Variants in CDH12 observed in about 807,000 individuals in gnomAD.
CDH12 encodes the protein cadherin-12.
CDH12 carries 41 observed loss-of-function variants against 74.1 expected under a neutral mutation model. The ratio of observed to expected loss-of-function variants is 0.55; its 90% CI spans 0.43 to 0.72. CDH12 has a LOEUF of 0.72. Ranked by LOEUF, CDH12 falls within the 30% of genes least tolerant of loss-of-function variation. The pLI is 0.00. For missense variants in CDH12, 945 were observed against 977.2 expected, an observed-to-expected ratio of 0.97 and a Z score of 0.44; for synonymous variants, 399 against 355.0, an observed-to-expected ratio of 1.12 and a Z score of -1.39.
At chr5:22,169,931 T>A (rs1253447643) in intron 4 of CDH12, among the ~76,000 whole-genome samples, 2 of 151,916 alleles carry the variant, frequency 1.3e-5, no homozygotes, top group Non-Finnish European at 2.9e-5. Flanking sequence ...ATATATGTCT[T>A]CCATATATTC....
chr5:22,698,121 G>GTTTTTTT, intron 1 of CDH12, among the ~76,000 whole-genome samples: 3 of 50,582 alleles, frequency 5.9e-5, no homozygotes, highest in African/African-American at 7.3e-5. Context: ...TAAAGGCAGG[G>GTTTTTTT]CTTTTTTTTT....
Position 22,031,335 on chromosome 5 carries a change from A to G in CDH12, c.231+47111T>C, listed in dbSNP as rs923548582. Reference sequence around the variant, plus strand: ...GGCAACAGAGACTCCATCTAATAAAATAAAATAAGTAAAATAAAATAAAAA... The same window carrying G: ...GGCAACAGAGACTCCATCTAATAAAGTAAAATAAGTAAAATAAAATAAAAA... On this transcript the variant is annotated intron_variant, in intron 5 of 14. Coordinates refer to ENST00000382254, the MANE Select transcript of CDH12 (RefSeq NM_004061.5). 5.3e-5 allele frequency among the ~76,000 whole-genome samples: 8 copies of G among 152,182 alleles called. No homozygotes were observed. The East Asian group carries it at 1.5e-3, about 29-fold the overall frequency.
At chr5:22,029,622 A>G (rs1302695312) in intron 5 of CDH12, among the ~76,000 whole-genome samples, 1 of 152,190 alleles carries the variant, frequency 6.6e-6, no homozygotes, top group Non-Finnish European at 1.5e-5. Context: ...AACAGGTGAT[A>G]GAGATGATGT....
At chr5:22,502,665 C>A (rs1195915242) in intron 2 of CDH12, among the ~76,000 whole-genome samples, 4 of 151,856 alleles carry the variant, frequency 2.6e-5, no homozygotes, top group Non-Finnish European at 5.9e-5. Context: ...CACACAGACA[C>A]ACACACACAA....
intron 3 of CDH12, among the ~76,000 whole-genome samples, chr5:22,270,485 C>T (rs1332794687): frequency 6.6e-6 from 1 of 151,476 alleles, no homozygotes; most frequent in African/African-American, 2.4e-5. Context: ...GCCTCAGCTA[C>T]TTGGGAGGCT....
At chr5:22,499,578 C>A (rs893094743) in intron 2 of CDH12, among the ~76,000 whole-genome samples, 1 of 152,138 alleles carries the variant, frequency 6.6e-6, no homozygotes, top group African/African-American at 2.4e-5. Flanking sequence ...AGAATACATA[C>A]TTAATCCCCA....
intron 6 of CDH12, among the ~76,000 whole-genome samples, chr5:21,898,882 GT>G (rs1489745222): frequency 1.1e-4 from 1 of 9,462 alleles, no homozygotes; most frequent in Non-Finnish European, 2.0e-3. Flanking sequence ...TATCATGGAA[GT>G]TAAAACAAAA....
At chr5:22,427,109 T>C (rs1743971673) in intron 2 of CDH12, among the ~76,000 whole-genome samples, 2 of 152,146 alleles carry the variant, frequency 1.3e-5, no homozygotes, top group Admixed American at 1.3e-4. Flanking sequence ...TCTGGATAAG[T>C]GGGTGAAGAT....
intron 3 of CDH12, among the ~76,000 whole-genome samples, chr5:22,400,696 A>G (rs1175017218): frequency 1.3e-5 from 2 of 152,098 alleles, no homozygotes; most frequent in Admixed American, 6.5e-5. Context: ...TTTGCTGCCA[A>G]TGAAATGCTT....
chr5:22,803,652 CA>C (rs576722734), intron 1 of CDH12, among the ~76,000 whole-genome samples: 40 of 151,894 alleles, frequency 2.6e-4, no homozygotes, highest in Non-Finnish European at 4.7e-4. Flanking sequence ...TCAAATAATA[CA>C]AAAAAAATAC....
intron 4 of CDH12, among the ~76,000 whole-genome samples, chr5:22,123,221 C>T (rs1034392435): frequency 1.3e-5 from 2 of 152,100 alleles, no homozygotes; most frequent in African/African-American, 4.8e-5. Flanking sequence ...ATTCCTTCTG[C>T]TATGTGAGCA....
intron 2 of CDH12, among the ~76,000 whole-genome samples, chr5:22,473,781 T>C (rs1463889336): frequency 2.0e-5 from 3 of 152,096 alleles, no homozygotes; most frequent in Admixed American, 6.6e-5. Context: ...ATGGTAAGGC[T>C]GATATAGTGT....
chr5:22,255,966 G>A (rs949503450), intron 3 of CDH12, among the ~76,000 whole-genome samples: 1 of 151,558 alleles, frequency 6.6e-6, no homozygotes, highest in Non-Finnish European at 1.5e-5. Context: ...ATTCTATTTT[G>A]CAGTATACTA....
chr5:22,393,263 AAC>A (rs1742321964), intron 3 of CDH12, among the ~76,000 whole-genome samples: 1 of 152,140 alleles, frequency 6.6e-6, no homozygotes, highest in South Asian at 2.1e-4. Flanking sequence ...AAAAAAAGGA[AAC>A]GTTAGAGTGA....
intron 3 of CDH12, among the ~76,000 whole-genome samples, chr5:22,385,481 C>T (rs976457663): frequency 6.6e-6 from 1 of 152,192 alleles, no homozygotes; most frequent in African/African-American, 2.4e-5. Flanking sequence ...TAATCTTTCT[C>T]TGCTTTTTTG....
intron 2 of CDH12, among the ~76,000 whole-genome samples, chr5:22,452,880 C>CAAAAAAAAAAAAAAA (rs768945480): frequency 5.9e-4 from 19 of 32,204 alleles, no homozygotes; most frequent in African/African-American, 8.7e-4. Context: ...AACCTAAGAG[C>CAAAAAAAAAAAAAAA]AAAAAAAAAA....
In CDH12 at chr5:22,319,240, A is replaced by T. The variant is rs568101167; in HGVS notation, c.-333+86017T>A. Among the ~76,000 whole-genome samples, 4 of 152,314 alleles carry T rather than the reference A, an allele frequency of 2.6e-5. No homozygotes were observed. The South Asian group carries it at 8.3e-4, about 32-fold the overall frequency. Reference sequence around the variant, plus strand: ...GTTATATGAATTAGAACAGAAATAGAATCATTGGCGATACTCTAATAACAG... The same window carrying T: ...GTTATATGAATTAGAACAGAAATAGTATCATTGGCGATACTCTAATAACAG... On this transcript the variant is annotated intron_variant, in intron 3 of 14. Transcript: ENST00000382254.
chr5:22,372,743 C>A (rs1741350576), intron 3 of CDH12, among the ~76,000 whole-genome samples: 1 of 152,170 alleles, frequency 6.6e-6, no homozygotes, highest in Admixed American at 6.5e-5. Context: ...CATGCCCCGT[C>A]CTTCCAGGTG....
intron 6 of CDH12, among the ~76,000 whole-genome samples, chr5:21,955,501 T>TA (rs924441815): frequency 1.3e-5 from 2 of 152,022 alleles, no homozygotes; most frequent in Non-Finnish European, 2.9e-5. Context: ...TGAGAGCTTA[T>TA]AAAATTTTAA....
Sources: allele counts gnomAD v4.1 joint callset (sites outside exome capture counted in the v4.1 genomes callset), GRCh38; gene constraint gnomAD v4.1.1; transcripts MANE v1.5; gene names NCBI Gene and HGNC (gene_info 2026-07-23, HGNC 2026-07-21).